The following PCGF3 variants were observed in gnomAD, a reference collection of about 807,000 sequenced individuals.
The protein encoded by PCGF3 is polycomb group ring finger 3.
A neutral mutation model predicts 33.1 loss-of-function variants in PCGF3; 7 were observed. The ratio of observed to expected loss-of-function variants is 0.21; its 90% CI spans 0.12 to 0.40. PCGF3 has a LOEUF of 0.40. Ranked by LOEUF, PCGF3 falls within the 10% of genes least tolerant of loss-of-function variation. The probability of loss-of-function intolerance (pLI) is 1.00; values close to 1 mark genes in which losing one functional copy is unlikely to be tolerated. For missense variants in PCGF3, 211 were observed against 313.3 expected (o/e 0.67, Z 2.46); for synonymous variants, 153 against 121.3 (o/e 1.26, Z -1.72).
At chr4:763,627 C>T (rs774963021) in intron 9 of PCGF3, among the ~76,000 whole-genome samples, 23 of 152,334 alleles carry the variant, frequency 1.5e-4, no homozygotes, top group African/African-American at 2.4e-4. Context: ...AAGTGGAACC[C>T]GCAGGCCCTG....
At chr4:729,654 T>C (rs1021044306) in intron 1 of PCGF3, among the ~76,000 whole-genome samples, 3 of 152,050 alleles carry the variant, frequency 2.0e-5, no homozygotes, top group African/African-American at 7.2e-5. Flanking sequence ...TCTCCCCTTA[T>C]ATTTGCCTGG....
intron 8 of PCGF3, among the ~76,000 whole-genome samples, chr4:750,888 T>C (rs1744482258): frequency 6.6e-6 from 1 of 152,144 alleles, no homozygotes; most frequent in African/African-American, 2.4e-5. Context: ...TAACCCCCGA[T>C]TCTCTTGTAC....
At chr4:740,094 C>G (rs890849044) in intron 6 of PCGF3, among the ~76,000 whole-genome samples, 2 of 152,244 alleles carry the variant, frequency 1.3e-5, no homozygotes, top group Non-Finnish European at 2.9e-5. Flanking sequence ...ATCTGTGGTG[C>G]AGACAATTGC....
chr4:733,622 A>C, intron 3 of PCGF3, 50 bp from the exon 4 acceptor site: 4 of 1,550,908 alleles, frequency 2.6e-6, no homozygotes, highest in Non-Finnish European at 2.6e-6. Flanking sequence ...GCCAAGGATG[A>C]AAGGCATGGA....
chr4:749,476 CTTTTTTTTTTTTT>C (rs71640348), intron 8 of PCGF3, among the ~76,000 whole-genome samples: 24 of 75,496 alleles, frequency 3.2e-4, no homozygotes, highest in Non-Finnish European at 4.6e-4. Context: ...ATTTTCTTTC[CTTTTTTTTTTTTT>C]TTTTTTTTTT....
At chr4:735,718 T>G (rs1247738727) in intron 5 of PCGF3, among the ~76,000 whole-genome samples, 3 of 152,260 alleles carry the variant, frequency 2.0e-5, no homozygotes, top group Non-Finnish European at 4.4e-5. Flanking sequence ...GCCCTGGCCC[T>G]GCTGCCCCTG....
At chr4:722,399 G>A (rs976762288) in intron 1 of PCGF3, 7 of 197,372 alleles carry the variant, frequency 3.5e-5, no homozygotes, top group East Asian at 1.8e-4. Context: ...CCCAGGCAGC[G>A]GCGTGGCTGG....
At position 733,873 on chromosome 4, in the gene PCGF3, C is replaced by T. The variant is rs569400102; in HGVS notation, c.109+84C>T. 5.3e-5 allele frequency: 85 copies of T among 1,607,878 alleles called. No individual in the cohort carries two copies. In the African/African-American group the frequency reaches 9.9e-4, roughly 19 times the overall value. The stretch of plus-strand genomic sequence containing the variant: ...CAGAACCTTGGCTTTTGTGTTACCA[C>T]ACGCTTTTAGCTCAAGCCCGACAAA... On this transcript the variant is annotated intron_variant, in intron 4 of 10. Transcript: ENST00000362003.
At chr4:734,993 G>A in exon 5 of PCGF3, 3 of 1,613,488 alleles carry the variant, frequency 1.9e-6, no homozygotes, top group Non-Finnish European at 2.5e-6. Context: ...CTGCAGGATT[G>A]TGATCCACCA....
At chr4:750,599 A>G (rs1410997945) in intron 8 of PCGF3, among the ~76,000 whole-genome samples, 1 of 152,012 alleles carries the variant, frequency 6.6e-6, no homozygotes, top group Non-Finnish European at 1.5e-5. Context: ...TTTTATGAAG[A>G]TTAAATGATT....
chr4:752,063 G>A (rs1173185568), intron 8 of PCGF3, among the ~76,000 whole-genome samples: 1 of 152,238 alleles, frequency 6.6e-6, no homozygotes, highest in Non-Finnish European at 1.5e-5. Context: ...AATACTTGAC[G>A]GGGCCTTTCT....
intron 8 of PCGF3, chr4:757,654 C>G (rs1744827097): frequency 6.6e-6 from 1 of 152,208 alleles, no homozygotes; most frequent in African/African-American, 2.4e-5. Flanking sequence ...CGTTACCTTA[C>G]ACATTCCACG....
intron 1 of PCGF3, among the ~76,000 whole-genome samples, chr4:716,991 T>C (rs1577397515): frequency 7.4e-6 from 1 of 136,004 alleles, no homozygotes; most frequent in African/African-American, 2.8e-5. Context: ...CTGTAGACAC[T>C]GAGGGTGAGA....
In PCGF3 at chr4:721,670, G is replaced by A. The variant is rs1228418692; in HGVS notation, c.-189-8960G>A. 6.6e-6 allele frequency among the ~76,000 whole-genome samples: 1 copy of A among 152,190 alleles called. No individual in the cohort carries two copies. The highest frequency in any genetic ancestry group is 2.4e-5 in the African/African-American group (1 of 41,442). On this transcript the variant is annotated intron_variant, in intron 1 of 10. Transcript: ENST00000362003. The surrounding 1 kb of genome is among the most constrained non-coding windows in gnomAD (Gnocchi z 4.1). ...CCAGGGCCTGTAGGACCCTTAGGGA[G>A]ACGGGTGGCTCTGCGTGTGGGTGTG...
At chr4:749,758 C>T (rs1016705354) in intron 8 of PCGF3, among the ~76,000 whole-genome samples, 4 of 152,110 alleles carry the variant, frequency 2.6e-5, no homozygotes, top group African/African-American at 9.7e-5. Context: ...GTGTGAGTCA[C>T]TGCACCCAGC....
intron 9 of PCGF3, among the ~76,000 whole-genome samples, chr4:764,262 T>A (rs1053669430): frequency 1.7e-4 from 26 of 152,330 alleles, no homozygotes; most frequent in African/African-American, 6.3e-4. Context: ...CTCTCAATTT[T>A]GCTGTAAACC....
chr4:766,052 C>A, exon 11 of PCGF3: 2 of 1,614,184 alleles, frequency 1.2e-6, no homozygotes, highest in South Asian at 1.1e-5. Flanking sequence ...TCCTGCTGCA[C>A]TACAGACCCA....
At chr4:730,140 G>A (rs910548323) in intron 1 of PCGF3, among the ~76,000 whole-genome samples, 4 of 152,154 alleles carry the variant, frequency 2.6e-5, no homozygotes, top group Admixed American at 1.3e-4. Context: ...CTTGGTGCAC[G>A]TCTGGTAGGC....
At chr4:717,492 G>A (rs1006900609) in intron 1 of PCGF3, among the ~76,000 whole-genome samples, 4 of 152,150 alleles carry the variant, frequency 2.6e-5, no homozygotes, top group Non-Finnish European at 4.4e-5. Context: ...GGATTCTCCC[G>A]TCTCAGCCTC....
Sources: gnomAD v4.1 joint callset for allele counts (sites outside exome capture counted in the v4.1 genomes callset) on GRCh38, gnomAD v4.1.1 for gene constraint, Gnocchi (gnomAD v3.1) non-coding constraint, MANE v1.5 for transcripts, NCBI Gene and HGNC (gene_info 2026-07-23, HGNC 2026-07-21) for gene names.